BAZ2B: variants seen among roughly 807,000 people sequenced by gnomAD.
The protein encoded by BAZ2B is bromodomain adjacent to zinc finger domain protein 2B.
BAZ2B carries 91 observed loss-of-function variants against 246.0 expected under a neutral mutation model. The ratio of observed to expected loss-of-function variants is 0.37; its 90% CI spans 0.31 to 0.44. BAZ2B has a LOEUF of 0.44. BAZ2B is among the 20% of genes least tolerant of loss of function. The pLI is 1.00. For missense variants in BAZ2B, 2,332 were observed against 2,533.7 expected (o/e 0.92, Z 1.71); for synonymous variants, 855 against 860.0 (o/e 0.99, Z 0.10).
chr2:159,660,798 A>G, the BAZ2B span, among the ~76,000 whole-genome samples: 2 of 152,108 alleles, frequency 1.3e-5, no homozygotes, highest in Non-Finnish European at 2.9e-5. Context: ...GGGTTTTACC[A>G]TGTTGGTCAG....
At chr2:159,458,896 T>C (rs998469046) in intron 3 of BAZ2B, 6 of 152,184 alleles carry the variant, frequency 3.9e-5, no homozygotes, top group South Asian at 2.1e-4. Context: ...TTTTAGATCT[T>C]TGAGGCAAAA....
chr2:159,389,049 G>T (rs2062990413), intron 21 of BAZ2B, among the ~76,000 whole-genome samples: 1 of 152,008 alleles, frequency 6.6e-6, no homozygotes, highest in East Asian at 1.9e-4. Flanking sequence ...TCCTGCCACT[G>T]CCCTCTCTCC....
the BAZ2B span, among the ~76,000 whole-genome samples, chr2:159,643,718 T>C: frequency 6.6e-6 from 1 of 151,552 alleles, no homozygotes; most frequent in Non-Finnish European, 1.5e-5. Context: ...GTACTAAAAA[T>C]ACAAAAAATT....
At chr2:159,315,443 G>A (rs568232664), downstream of BAZ2B, among the ~76,000 whole-genome samples, 11 of 152,230 alleles carry the variant, frequency 7.2e-5, no homozygotes, top group East Asian at 9.6e-4. Flanking sequence ...CTGGGGCTCC[G>A]GTCATCTGAA....
chr2:159,482,209 T>C (rs1438215742), intron 2 of BAZ2B, among the ~76,000 whole-genome samples: 9 of 147,276 alleles, frequency 6.1e-5, no homozygotes, highest in Admixed American at 6.1e-4. Flanking sequence ...AGTTAAAGAG[T>C]ATAAAAAACT....
chr2:159,584,096 T>C (rs1286380811), intron 1 of BAZ2B, among the ~76,000 whole-genome samples: 1 of 151,394 alleles, frequency 6.6e-6, no homozygotes, highest in African/African-American at 2.4e-5. Flanking sequence ...TGGTGGGGTG[T>C]GAACACAGGA....
chr2:159,404,716 G>A (rs1467630923), intron 16 of BAZ2B, 133 bp downstream of exon 16: 1 of 763,236 alleles, frequency 1.3e-6, no homozygotes, highest in Non-Finnish European at 2.0e-6. Flanking sequence ...ATAGAAGATA[G>A]CAACTTTCTA....
At chr2:159,586,149 G>T (rs1687964494) in intron 1 of BAZ2B, among the ~76,000 whole-genome samples, 1 of 152,040 alleles carries the variant, frequency 6.6e-6, no homozygotes, top group South Asian at 2.1e-4. Flanking sequence ...TTAAACCTAA[G>T]AACCCATTGC....
the BAZ2B span, among the ~76,000 whole-genome samples, chr2:159,663,192 TTTTTTTTTC>T: frequency 3.0e-4 from 45 of 150,888 alleles, no homozygotes; most frequent in African/African-American, 9.2e-4. Flanking sequence ...TTGTTGTTGT[TTTTTTTTTC>T]TTTTTTTTCT....
rs374552566 is a variant in BAZ2B at position 159,491,321 on chromosome 2, C to G, written c.-2-12600G>C. On this transcript the variant is annotated intron_variant, in intron 2 of 36. Transcript: ENST00000392783. ...GTGCACTTCTGATGTTTAATGGTTTCTAAACTAATGATTGCTAGTTTAACA... is the reference window on the plus strand; with the variant it reads ...GTGCACTTCTGATGTTTAATGGTTTGTAAACTAATGATTGCTAGTTTAACA... Among the ~76,000 whole-genome samples, 46 of 152,244 alleles carry G rather than the reference C, an allele frequency of 3.0e-4. 1 individual carries two copies. Among genetic ancestry groups the G allele is most frequent in the African/African-American group, 1.1e-3 (45 of 41,530 alleles).
chr2:159,429,709 T>C (rs1355341493), intron 10 of BAZ2B, among the ~76,000 whole-genome samples: 2 of 152,130 alleles, frequency 1.3e-5, no homozygotes, highest in Non-Finnish European at 2.9e-5. Flanking sequence ...TCAAAAACAC[T>C]ACCAGGTCTT....
At chr2:159,544,541 G>C (rs146909826) in intron 2 of BAZ2B, among the ~76,000 whole-genome samples, 116 of 152,302 alleles carry the variant, frequency 7.6e-4, no homozygotes, top group South Asian at 6.8e-3. Context: ...GTTCAAGTTT[G>C]AACAGGTTGA....
At chr2:159,362,743 A>G (rs769365376) in intron 27 of BAZ2B, among the ~76,000 whole-genome samples, 9 of 152,218 alleles carry the variant, frequency 5.9e-5, no homozygotes, top group Non-Finnish European at 7.3e-5. Context: ...TGAGAATGGC[A>G]GAAGCCCTCA....
chr2:159,693,859 T>TAA, the BAZ2B span: 1 of 152,186 alleles, frequency 6.6e-6, no homozygotes. Context: ...TGTGTACTAC[T>TAA]GTGCCCAGCT....
chr2:159,397,203 A>G, intron 19 of BAZ2B, 142 bp downstream of exon 19: 1 of 1,284,612 alleles, frequency 7.8e-7, no homozygotes, highest in South Asian at 1.4e-5. Context: ...GCAAGGCAAT[A>G]AACTGTAGGT....
rs546274124 is a variant in BAZ2B, at chr2:159,429,101, ACTT to A, written c.2255+96_2255+98del. 349 of 793,018 alleles carry A rather than the reference ACTT, an allele frequency of 4.4e-4. 1 individual carries two copies. The East Asian group carries it at 8.4e-3, about 19-fold the overall frequency. The allele number at this position is 793,018 out of a possible 1,614,324, so 49.1% of individuals were successfully genotyped here. On this transcript the variant is annotated intron_variant, in intron 11 of 36. Transcript: ENST00000392783. ...TCTAATAAATACTATGCAGCTATGT[ACTT>A]CTTCTATTAATTGTAGAGAATGAGA...
At chr2:159,316,387 C>A (rs2062119495), downstream of BAZ2B, among the ~76,000 whole-genome samples, 1 of 152,030 alleles carries the variant, frequency 6.6e-6, no homozygotes, top group Admixed American at 6.6e-5. Context: ...TCACATCCCC[C>A]TGGAAAGAAA....
intron 13 of BAZ2B, among the ~76,000 whole-genome samples, chr2:159,420,219 A>G (rs1006653110): frequency 6.6e-6 from 1 of 152,150 alleles, no homozygotes; most frequent in Non-Finnish European, 1.5e-5. Flanking sequence ...AATTTGCTCT[A>G]TGGGAAAATG....
Position 159,383,593 on chromosome 2 carries a change from A to C in BAZ2B, c.3761+13T>G, listed in dbSNP as rs1268596206. 1 of 1,598,508 alleles carries C rather than the reference A, an allele frequency of 6.3e-7. No homozygotes were observed. The highest frequency in any genetic ancestry group is 8.6e-7 in the Non-Finnish European group (1 of 1,167,222). On this transcript the variant is annotated intron_variant, in intron 24 of 36. Coordinates refer to ENST00000392783, the MANE Select transcript of BAZ2B (RefSeq NM_013450.4). The stretch of plus-strand genomic sequence containing the variant: ...AGAAAACAGTACATTAACTTTAATA[A>C]AACAGGACTTACTTGCGGAGTTTAC...
Sources: allele counts gnomAD v4.1 joint callset (sites outside exome capture counted in the v4.1 genomes callset), GRCh38; gene constraint gnomAD v4.1.1; transcripts MANE v1.5; gene names NCBI Gene and HGNC (gene_info 2026-07-23, HGNC 2026-07-21).